Variants in CLEC1A observed in about 807,000 individuals in gnomAD.
The protein encoded by CLEC1A is C-type lectin-like receptor-1.
A neutral mutation model predicts 28.7 loss-of-function variants in CLEC1A; 34 were observed. The ratio of observed to expected loss-of-function variants is 1.18; its 90% CI spans 0.90 to 1.57. The LOEUF (loss-of-function observed/expected upper bound fraction) is 1.57, where lower values mean the gene tolerates loss of function less well. Among genes scored for constraint, CLEC1A ranks in the 40% most tolerant of loss-of-function variants. The pLI is 0.00. For synonymous variants in CLEC1A, 116 were observed against 121.0 expected (o/e 0.96, Z 0.27); for missense variants, 385 against 339.5 (o/e 1.13, Z -1.05).
At chr12:10,088,100 A>G (rs1866538673) in intron 2 of CLEC1A, among the ~76,000 whole-genome samples, 1 of 152,142 alleles carries the variant, frequency 6.6e-6, no homozygotes, top group African/African-American at 2.4e-5. Flanking sequence ...ATGATTTTAC[A>G]GTTTGCAATT....
At chr12:10,072,431 C>T (rs725079) in intron 5 of CLEC1A, among the ~76,000 whole-genome samples, 2,235 of 152,256 alleles carry the variant, frequency 0.015, 57 homozygotes, top group African/African-American at 0.05. Flanking sequence ...AGCATATGTA[C>T]GACTAGTGTT....
intron 1 of CLEC1A, among the ~76,000 whole-genome samples, chr12:10,090,790 T>C (rs900675314): frequency 6.7e-6 from 1 of 149,274 alleles, no homozygotes; most frequent in African/African-American, 2.5e-5. Flanking sequence ...TAGAATAAAA[T>C]ACAAATCACT....
chr12:10,086,438 A>G (rs540186693), intron 2 of CLEC1A, among the ~76,000 whole-genome samples: 2 of 152,288 alleles, frequency 1.3e-5, no homozygotes, highest in South Asian at 2.1e-4. Context: ...AATAAAATCA[A>G]TAGAACGTTA....
At chr12:10,077,703 C>T (rs1229531489) in intron 3 of CLEC1A, among the ~76,000 whole-genome samples, 1 of 152,112 alleles carries the variant, frequency 6.6e-6, no homozygotes, top group African/African-American at 2.4e-5. Flanking sequence ...CCAGGACGGG[C>T]ATTCCATTTC....
intron 1 of CLEC1A, among the ~76,000 whole-genome samples, chr12:10,098,158 T>C (rs1324997547): frequency 6.6e-6 from 1 of 152,096 alleles, no homozygotes; most frequent in African/African-American, 2.4e-5. Flanking sequence ...ACTGAATGAA[T>C]GTTAAAATGT....
At chr12:10,097,454 G>A (rs1007988800) in intron 1 of CLEC1A, among the ~76,000 whole-genome samples, 1 of 152,134 alleles carries the variant, frequency 6.6e-6, no homozygotes, top group Non-Finnish European at 1.5e-5. Flanking sequence ...ATAAAAAGAT[G>A]AAAACAAGAT....
intron 4 of CLEC1A, 74 bp downstream of exon 4, chr12:10,075,430 A>G: frequency 6.7e-7 from 1 of 1,483,492 alleles, no homozygotes; most frequent in Non-Finnish European, 9.3e-7. Flanking sequence ...CTTGATCCTT[A>G]GAGTCTTCTT....
rs1866131729 is a variant in CLEC1A at position 10,071,482 on chromosome 12, T to C, written c.694A>G (p.Arg232Gly). 1 of 1,612,566 alleles carries C rather than the reference T, an allele frequency of 6.2e-7. No individual in the cohort carries two copies. Among genetic ancestry groups the C allele is most frequent in the Non-Finnish European group, 8.5e-7 (1 of 1,179,176 alleles). Reference sequence around the variant, plus strand: ...AGGATGGCCACACAGTCTCTGCTTCTTGGGCTGGTGACATCTATTATAATA... The same window carrying C: ...AGGATGGCCACACAGTCTCTGCTTCCTGGGCTGGTGACATCTATTATAATA... The part of the protein sequence containing the change: ...FHIIIDVTSP[R>G]SRDCVAILNG... Residue 232 changes from arginine to glycine, a missense_variant, in exon 6 of 6, where the codon AGA becomes GGA. By Grantham distance (125) the Arg-to-Gly change is moderately radical. Transcript: ENST00000315330.
chr12:10,094,360 C>G (rs1325624856), intron 1 of CLEC1A, among the ~76,000 whole-genome samples: 1 of 151,968 alleles, frequency 6.6e-6, no homozygotes, highest in Non-Finnish European at 1.5e-5. Context: ...TTCAGGAACA[C>G]ACAGCTACTA....
At chr12:10,082,220 G>A (rs1444803408) in intron 2 of CLEC1A, among the ~76,000 whole-genome samples, 4 of 152,148 alleles carry the variant, frequency 2.6e-5, no homozygotes, top group Non-Finnish European at 5.9e-5. Context: ...CAGATGGTGT[G>A]GGAAGGTGGG....
At chr12:10,082,270 G>A (rs1221964680) in intron 2 of CLEC1A, among the ~76,000 whole-genome samples, 1 of 152,166 alleles carries the variant, frequency 6.6e-6, no homozygotes, top group South Asian at 2.1e-4. Context: ...TTCTCAGTGG[G>A]AAGGGTTGTA....
At chr12:10,084,052 T>C (rs1866427181) in intron 2 of CLEC1A, 1 of 151,782 alleles carries the variant, frequency 6.6e-6, no homozygotes, top group African/African-American at 2.4e-5. Flanking sequence ...TTATAGTAAA[T>C]GGCCAAACCT....
intron 2 of CLEC1A, chr12:10,084,422 A>C (rs1028859094): frequency 1.3e-5 from 2 of 152,194 alleles, no homozygotes; most frequent in African/African-American, 4.8e-5. Flanking sequence ...CAATCTCTCA[A>C]ATACTAGAAG....
rs188502784 is a variant in CLEC1A, at chr12:10,073,361, T to C, written c.594A>G (p.Thr198=). 1 of 1,613,980 alleles carries C rather than the reference T, an allele frequency of 6.2e-7. No homozygotes were observed. Among genetic ancestry groups the C allele is most frequent in the African/African-American group, 1.3e-5 (1 of 74,928 alleles). ...TGCCACTGTCAGGGCGCAAAAGCCC[T>C]GTCCAATAAGAGTAGAAAAACTCAG... ...SYSEFFYSYW[T]GLLRPDSGKA... Residue 198 remains threonine (T), a synonymous_variant, in exon 5 of 6, where the codon ACA becomes ACG. Transcript: ENST00000315330.
rs1407061852 is a variant in CLEC1A at position 10,075,635 on chromosome 12, T to A, written c.412A>T (p.Thr138Ser). The A allele has an allele frequency of 6.2e-7, 1 of 1,614,010 alleles. No individual in the cohort carries two copies. The highest frequency in any genetic ancestry group is 2.2e-5 in the East Asian group (1 of 44,886). The part of the protein sequence containing the change: ...KAGAHRCSPC[T>S]EQWKWHGDNC... ...TCTCCATGCCATTTCCATTGTTCTG[T>A]ACAAGGGCTGCACCTGTGTGCTTGG... The change falls in exon 4 of 6, where the codon ACA becomes TCA. Residue 138 changes from threonine to serine, a missense_variant. Physicochemically the swap from Thr to Ser is moderately conservative, Grantham distance 58. Transcript: ENST00000315330.
chr12:10,097,981 G>GAAATAAATAA (rs1294582739), intron 1 of CLEC1A, among the ~76,000 whole-genome samples: 1 of 148,208 alleles, frequency 6.7e-6, no homozygotes, highest in Non-Finnish European at 1.5e-5. Context: ...GAAATAAATA[G>GAAATAAATAA]AAAGTGAATG....
intron 4 of CLEC1A, 98 bp downstream of exon 4, chr12:10,075,406 T>G (rs939301080): frequency 2.2e-6 from 3 of 1,336,860 alleles, no homozygotes; most frequent in African/African-American, 2.9e-5. Flanking sequence ...TTCGAAAACC[T>G]GTGGACCGAT....
At position 10,087,075 on chromosome 12, in the gene CLEC1A, G is replaced by A. The variant is rs573986251; in HGVS notation, c.214+2049C>T. ...ACAAAATTAGCCAGGTGTGGTAGTG[G>A]GTGCCTGTAATCTCAGCTACTCGGG... On this transcript the variant is annotated intron_variant, in intron 2 of 5. Coordinates refer to ENST00000315330, the MANE Select transcript of CLEC1A (RefSeq NM_016511.4). 2.0e-5 allele frequency among the ~76,000 whole-genome samples: 3 copies of A among 151,726 alleles called. No individual in the cohort carries two copies. In the South Asian group the frequency reaches 6.3e-4, roughly 32 times the overall value.
At chr12:10,081,488 C>A in intron 2 of CLEC1A, 75 bp from the exon 3 acceptor site, 1 of 1,233,526 alleles carries the variant, frequency 8.1e-7, no homozygotes, top group Non-Finnish European at 1.1e-6. Flanking sequence ...ATGGGGAAGA[C>A]AAAACAGTAT....
Sources: gnomAD v4.1 joint callset for allele counts (sites outside exome capture counted in the v4.1 genomes callset) on GRCh38, gnomAD v4.1.1 for gene constraint, MANE v1.5 for transcripts, NCBI Gene and HGNC (gene_info 2026-07-23, HGNC 2026-07-21) for gene names.